The following TPP2 variants were observed in gnomAD, a reference collection of about 807,000 sequenced individuals.
TPP2 encodes tripeptidyl peptidase 2.
A neutral mutation model predicts 155.9 loss-of-function variants in TPP2; 34 were observed. The ratio of observed to expected loss-of-function variants is 0.22; its 90% CI spans 0.17 to 0.29. TPP2 has a LOEUF of 0.29. Ranked by LOEUF, TPP2 falls within the 10% of genes least tolerant of loss-of-function variation. The pLI is 1.00. For synonymous variants in TPP2, 510 were observed against 529.4 expected (o/e 0.96, Z 0.50); for missense variants, 1,028 against 1,522.3 (o/e 0.68, Z 5.40).
chr13:102,653,747 AT>A (rs1294000964), intron 24 of TPP2, among the ~76,000 whole-genome samples: 1 of 152,226 alleles, frequency 6.6e-6, no homozygotes, highest in East Asian at 1.9e-4. Flanking sequence ...TATGATATAA[AT>A]TTTAAAAATA....
intron 2 of TPP2, 39 bp downstream of exon 2, chr13:102,604,960 T>TA (rs1879710190): frequency 6.3e-7 from 1 of 1,591,910 alleles, no homozygotes; most frequent in Non-Finnish European, 8.5e-7. Flanking sequence ...TTTTTTTTTT[T>TA]ACTCTTGCCT....
chr13:102,616,045 C>T (rs1310952010), intron 3 of TPP2, among the ~76,000 whole-genome samples: 1 of 152,046 alleles, frequency 6.6e-6, no homozygotes, highest in African/African-American at 2.4e-5. Context: ...CAGCCTCAGC[C>T]TCCTGGGTTC....
At chr13:102,638,911 G>T (rs1882569549) in intron 15 of TPP2, among the ~76,000 whole-genome samples, 2 of 152,200 alleles carry the variant, frequency 1.3e-5, no homozygotes, top group African/African-American at 4.8e-5. Flanking sequence ...GCCCTAGCCA[G>T]TGTTTCCTGT....
In TPP2 at chr13:102,629,551, T is replaced by C. The variant is rs1442853206; in HGVS notation, c.1086T>C (p.Asn362=). Residue 362 remains asparagine (N), a synonymous_variant, in exon 9 of 30, where the codon AAT becomes AAC. Transcript: ENST00000376052. ...TAATTTATGTTTCAAGTGCTGGAAA[T>C]AATGGTCCATGCCTGTCTACAGTTG... The part of the protein sequence containing the change: ...HNIIYVSSAG[N]NGPCLSTVGC... 4 of 1,546,544 alleles carry C rather than the reference T, an allele frequency of 2.6e-6. No homozygotes were observed. The East Asian group carries it at 9.8e-5, about 38-fold the overall frequency.
intron 5 of TPP2, among the ~76,000 whole-genome samples, chr13:102,621,498 G>A (rs538527158): frequency 1.3e-5 from 2 of 152,296 alleles, no homozygotes; most frequent in African/African-American, 4.8e-5. Context: ...AAGGGTGGGG[G>A]AAAGATCCAG....
chr13:102,631,222 G>A (rs1348067557), intron 10 of TPP2: 1 of 152,192 alleles, frequency 6.6e-6, no homozygotes. Context: ...TTGTGCTCAG[G>A]TGAGATGCAA....
chr13:102,620,598 A>G (rs189258247), intron 5 of TPP2, among the ~76,000 whole-genome samples: 2 of 152,276 alleles, frequency 1.3e-5, no homozygotes, highest in Non-Finnish European at 2.9e-5. Context: ...TTCTTTAAGT[A>G]CCGTGGGTTT....
chr13:102,669,586 T>C (rs1884832976), intron 27 of TPP2, among the ~76,000 whole-genome samples: 1 of 152,244 alleles, frequency 6.6e-6, no homozygotes, highest in African/African-American at 2.4e-5. Context: ...CTGTTTGCCA[T>C]AACTGATTAG....
At chr13:102,646,733 G>A (rs574864599) in intron 20 of TPP2, among the ~76,000 whole-genome samples, 3 of 152,288 alleles carry the variant, frequency 2.0e-5, no homozygotes, top group South Asian at 4.1e-4. Flanking sequence ...ATTGCTTTCT[G>A]CGAAGAAGGC....
At chr13:102,622,324 G>A (rs971914323) in intron 5 of TPP2, among the ~76,000 whole-genome samples, 1 of 152,110 alleles carries the variant, frequency 6.6e-6, no homozygotes, top group Non-Finnish European at 1.5e-5. Flanking sequence ...AAAGTGTTCG[G>A]AATATAATTT....
At chr13:102,623,147 T>G in intron 6 of TPP2, 107 bp downstream of exon 6, 1 of 1,211,074 alleles carries the variant, frequency 8.3e-7, no homozygotes, top group Non-Finnish European at 1.1e-6. Flanking sequence ...CTAGAGATCG[T>G]AGCTAAAGGA....
chr13:102,611,067 C>T (rs8000079), intron 2 of TPP2, among the ~76,000 whole-genome samples: 38,248 of 152,064 alleles, frequency 0.25, 5,372 homozygotes, highest in East Asian at 0.45. Context: ...TTTCATCATA[C>T]GTCATTTTTC....
chr13:102,602,207 A>G (rs1374004212), intron 1 of TPP2, among the ~76,000 whole-genome samples: 2 of 152,158 alleles, frequency 1.3e-5, no homozygotes. Context: ...GCTAGTTTTA[A>G]TTTTATAAAG....
intron 20 of TPP2, 86 bp downstream of exon 20, chr13:102,646,476 T>C (rs1883109512): frequency 2.1e-6 from 2 of 934,990 alleles, no homozygotes; most frequent in Admixed American, 2.8e-5. Context: ...GGAAGGACAG[T>C]GTATATGGTA....
At chr13:102,678,169 C>G (rs532968852) in intron 29 of TPP2, 58 bp from the exon 30 acceptor site, 1 of 1,494,688 alleles carries the variant, frequency 6.7e-7, no homozygotes, top group Non-Finnish European at 9.1e-7. Context: ...ATTCTAAATA[C>G]TGAGCTTAAA....
chr13:102,664,330 T>C lies in TPP2; in HGVS notation c.3241-465T>C, dbSNP rs572610291. On this transcript the variant is annotated intron_variant, in intron 26 of 29. Transcript: ENST00000376052. ...ATCACAGTTAGACTGTTGATTATAATGTTTACTCTCATCTTTGTGTTTTTC... is the reference window on the plus strand; with the variant it reads ...ATCACAGTTAGACTGTTGATTATAACGTTTACTCTCATCTTTGTGTTTTTC... 7.2e-5 allele frequency among the ~76,000 whole-genome samples: 11 copies of C among 152,328 alleles called. No individual in the cohort carries two copies. The South Asian group carries it at 2.3e-3, about 32-fold the overall frequency.
chr13:102,625,823 C>A (rs1189824663), intron 6 of TPP2, among the ~76,000 whole-genome samples: 3 of 152,192 alleles, frequency 2.0e-5, no homozygotes, highest in Admixed American at 6.5e-5. Context: ...ACACTATAGT[C>A]CCCAAACATT....
rs747127412 is a variant in TPP2 at position 102,638,200 on chromosome 13, T to C, written c.1837-39T>C. ...ACCTTCCCCCGCTCTTTTAAACATT[T>C]GTTTATGGATATTGACACTTACCGA... On this transcript the variant is annotated intron_variant, in intron 14 of 29. Transcript: ENST00000376052. 14 of 1,576,236 alleles carry C rather than the reference T, an allele frequency of 8.9e-6. 1 individual carries two copies. In the South Asian group the frequency reaches 1.5e-4, roughly 17 times the overall value.
chr13:102,597,588 A>G (rs1879068208), intron 1 of TPP2, among the ~76,000 whole-genome samples: 1 of 151,332 alleles, frequency 6.6e-6, no homozygotes, highest in African/African-American at 2.4e-5. Flanking sequence ...CCTTCCCTCC[A>G]CGCCGCCTTC....
Sources: gnomAD v4.1 joint callset for allele counts (sites outside exome capture counted in the v4.1 genomes callset) on GRCh38, gnomAD v4.1.1 for gene constraint, MANE v1.5 for transcripts, NCBI Gene and HGNC (gene_info 2026-07-23, HGNC 2026-07-21) for gene names.